Variants in AGBL4 observed in about 807,000 individuals in gnomAD.
AGBL4 encodes AGBL carboxypeptidase 4.
AGBL4 carries 58 observed loss-of-function variants against 66.4 expected under a neutral mutation model. That is an observed-to-expected ratio of 0.87 (90% confidence interval 0.71 to 1.09). The LOEUF is 1.09. AGBL4 is among the 50% of genes least tolerant of loss of function. The pLI is 0.00. For missense variants in AGBL4, 579 were observed against 631.0 expected, an observed-to-expected ratio of 0.92 and a Z score of 0.88; for synonymous variants, 234 against 222.9, an observed-to-expected ratio of 1.05 and a Z score of -0.44.
intron 1 of AGBL4, among the ~76,000 whole-genome samples, chr1:49,959,573 T>G (rs72686778): frequency 0.093 from 14,185 of 152,014 alleles, 884 homozygotes; most frequent in African/African-American, 0.16. Flanking sequence ...AATAAATAAA[T>G]GAGCAAGTGA....
intron 3 of AGBL4, among the ~76,000 whole-genome samples, chr1:49,285,389 A>G (rs542819186): frequency 1.3e-5 from 2 of 152,288 alleles, no homozygotes; most frequent in South Asian, 4.2e-4. Flanking sequence ...AGGGAAATTT[A>G]TAGCACTAAA....
chr1:49,256,502 A>G (rs1261729190), intron 3 of AGBL4, among the ~76,000 whole-genome samples: 1 of 152,202 alleles, frequency 6.6e-6, no homozygotes, highest in Non-Finnish European at 1.5e-5. Flanking sequence ...TTCAAAACGC[A>G]AAACTATAAA....
At chr1:49,124,731 TAAAAC>T (rs770940946) in intron 4 of AGBL4, among the ~76,000 whole-genome samples, 3 of 152,190 alleles carry the variant, frequency 2.0e-5, no homozygotes, top group Non-Finnish European at 4.4e-5. Context: ...TTTATGGAAA[TAAAAC>T]AGTTGAGGAA....
intron 2 of AGBL4, among the ~76,000 whole-genome samples, chr1:49,836,027 A>C (rs2148027939): frequency 6.6e-6 from 1 of 151,994 alleles, no homozygotes; most frequent in South Asian, 2.1e-4. Flanking sequence ...CCTTTATTTC[A>C]ACCTTAGTAA....
chr1:49,226,933 G>A (rs959782671), intron 4 of AGBL4, among the ~76,000 whole-genome samples: 1 of 152,120 alleles, frequency 6.6e-6, no homozygotes, highest in African/African-American at 2.4e-5. Context: ...TCAACGTCTG[G>A]TGAGAGCCCT....
chr1:48,948,035 A>G (rs954256939), intron 5 of AGBL4, among the ~76,000 whole-genome samples: 4 of 152,236 alleles, frequency 2.6e-5, no homozygotes, highest in Admixed American at 6.5e-5. Flanking sequence ...GAAACAGAAA[A>G]TATCTTTCAT....
intron 3 of AGBL4, among the ~76,000 whole-genome samples, chr1:49,593,239 A>G (rs545049152): frequency 1.3e-5 from 2 of 152,206 alleles, no homozygotes; most frequent in South Asian, 4.2e-4. Context: ...CCCCGTCTCA[A>G]CTAAAAAAAT....
chr1:48,541,570 G>C (rs998658962), intron 11 of AGBL4, among the ~76,000 whole-genome samples: 13 of 152,194 alleles, frequency 8.5e-5, no homozygotes, highest in Middle Eastern at 3.2e-3. Context: ...TAAGGAGCTT[G>C]AGACCAGCTT....
At chr1:49,797,977 G>A (rs186680772) in intron 2 of AGBL4, among the ~76,000 whole-genome samples, 24 of 152,146 alleles carry the variant, frequency 1.6e-4, no homozygotes, top group Non-Finnish European at 2.5e-4. Context: ...TGGCCAGGCT[G>A]GTCTCGAACT....
chr1:49,313,234 A>G (rs1301232148), intron 3 of AGBL4, among the ~76,000 whole-genome samples: 1 of 152,144 alleles, frequency 6.6e-6, no homozygotes, highest in Non-Finnish European at 1.5e-5. Flanking sequence ...ATAGTATTCC[A>G]TGGTGTATAT....
At chr1:49,071,542 A>G (rs1282561703) in intron 4 of AGBL4, among the ~76,000 whole-genome samples, 1 of 151,990 alleles carries the variant, frequency 6.6e-6, no homozygotes, top group African/African-American at 2.4e-5. Context: ...GTTTCCATGT[A>G]GCAGTGCAGT....
intron 3 of AGBL4, among the ~76,000 whole-genome samples, chr1:49,283,543 G>A (rs1404247895): frequency 5.9e-5 from 9 of 152,300 alleles, no homozygotes; most frequent in South Asian, 2.1e-4. Context: ...AGCTGAGAGA[G>A]GAAGGCTTCA....
intron 3 of AGBL4, among the ~76,000 whole-genome samples, chr1:49,491,194 A>G (rs1270705020): frequency 1.3e-5 from 2 of 151,804 alleles, no homozygotes; most frequent in East Asian, 1.9e-4. Flanking sequence ...CTGTTTTACA[A>G]TCCCAAAGGG....
At chr1:48,684,236 T>A (rs1174310708) in intron 6 of AGBL4, among the ~76,000 whole-genome samples, 1 of 152,222 alleles carries the variant, frequency 6.6e-6, no homozygotes, top group Admixed American at 6.5e-5. Flanking sequence ...ACGGATTGGC[T>A]CCTTCTCTTA....
intron 1 of AGBL4, among the ~76,000 whole-genome samples, chr1:49,921,486 A>G (rs1652242366): frequency 6.6e-6 from 1 of 152,168 alleles, no homozygotes; most frequent in Admixed American, 6.5e-5. Context: ...AAGGGAGTTT[A>G]TTAGGATCAA....
intron 6 of AGBL4, among the ~76,000 whole-genome samples, chr1:48,851,677 C>T (rs1431905483): frequency 6.6e-6 from 1 of 152,164 alleles, no homozygotes; most frequent in Non-Finnish European, 1.5e-5. Flanking sequence ...ATAATCTTTA[C>T]CAGAAAGGAA....
intron 11 of AGBL4, among the ~76,000 whole-genome samples, chr1:48,574,449 T>A (rs1644616900): frequency 6.6e-6 from 1 of 152,226 alleles, no homozygotes; most frequent in Non-Finnish European, 1.5e-5. Context: ...TGAATGCTGT[T>A]TATTTCTGGA....
intron 4 of AGBL4, among the ~76,000 whole-genome samples, chr1:49,185,045 A>G (rs1267491122): frequency 6.6e-6 from 1 of 152,196 alleles, no homozygotes; most frequent in Non-Finnish European, 1.5e-5. Context: ...TAAACAGGAC[A>G]GATGCTGTTT....
At chr1:48,883,736 T>C (rs1054216808) in intron 5 of AGBL4, among the ~76,000 whole-genome samples, 1 of 152,134 alleles carries the variant, frequency 6.6e-6, no homozygotes. Flanking sequence ...ATAATACACT[T>C]CGATAAATTA....
Sources: gnomAD v4.1 joint callset for allele counts (sites outside exome capture counted in the v4.1 genomes callset) on GRCh38, gnomAD v4.1.1 for gene constraint, MANE v1.5 for transcripts, NCBI Gene and HGNC (gene_info 2026-07-23, HGNC 2026-07-21) for gene names.